ZC4H2: variants seen among roughly 807,000 people sequenced by gnomAD.
The protein encoded by ZC4H2 is zinc finger C4H2 domain-containing protein.
For missense variants in ZC4H2, 137 were observed against 173.9 expected (o/e 0.79, Z 1.19); for synonymous variants, 84 against 66.3 (o/e 1.27, Z -1.30).
chrX:65,028,807 C>A, intron 1 of ZC4H2, among the ~76,000 whole-genome samples: 1 of 111,699 alleles, frequency 9.0e-6, no homozygotes, highest in Non-Finnish European at 1.9e-5. Context: ...CAGGCATGAG[C>A]CACTGTGCCG....
chrX:65,009,717 C>G (rs959345243), intron 1 of ZC4H2, among the ~76,000 whole-genome samples: 3 of 111,954 alleles, frequency 2.7e-5, no homozygotes, highest in Non-Finnish European at 5.6e-5. Context: ...ACTGCATGTG[C>G]ATCCATACAC....
chrX:64,957,611 G>A (rs1240290267), intron 1 of ZC4H2, among the ~76,000 whole-genome samples: 1 of 110,991 alleles, frequency 9.0e-6, no homozygotes, highest in African/African-American at 3.3e-5. Flanking sequence ...TGTAACCCCA[G>A]CATTTTGGGA....
chrX:64,988,131 T>A (rs187994993), intron 1 of ZC4H2, among the ~76,000 whole-genome samples: 1 of 110,343 alleles, frequency 9.1e-6, no homozygotes, highest in Admixed American at 9.7e-5. Context: ...ATCCACTCTA[T>A]CATTGTTGGA....
intron 1 of ZC4H2, among the ~76,000 whole-genome samples, chrX:64,948,836 T>C (rs1930660767): frequency 8.9e-6 from 1 of 112,052 alleles, no homozygotes; most frequent in Non-Finnish European, 1.9e-5. Context: ...TTTGCCTAGA[T>C]TAAAGGGCTA....
intron 1 of ZC4H2, among the ~76,000 whole-genome samples, chrX:65,011,949 C>T (rs1011439444): frequency 5.5e-5 from 6 of 109,564 alleles, no homozygotes; most frequent in East Asian, 2.9e-4. Context: ...CTCTTGACCT[C>T]GTGATCCACC....
At chrX:65,001,613 C>T (rs759653686) in intron 1 of ZC4H2, among the ~76,000 whole-genome samples, 83 of 111,661 alleles carry the variant, frequency 7.4e-4, no homozygotes, top group South Asian at 4.1e-3. Context: ...TAAATGTAAA[C>T]GGGTTAAATG....
At chrX:64,997,293 A>C (rs969158468) in intron 1 of ZC4H2, among the ~76,000 whole-genome samples, 2 of 112,358 alleles carry the variant, frequency 1.8e-5, no homozygotes, top group Non-Finnish European at 3.8e-5. Context: ...ACCCAGATGA[A>C]CAAAAGGTGA....
chrX:64,950,968 C>G (rs184963567), intron 1 of ZC4H2, among the ~76,000 whole-genome samples: 2 of 110,441 alleles, frequency 1.8e-5, no homozygotes, highest in Non-Finnish European at 3.8e-5. Context: ...CTCCCCACCC[C>G]ACAACAGTCC....
Position 64,919,081 on chromosome X carries a change from C to A in ZC4H2, c.522G>T (p.Arg174=). 8.4e-7 allele frequency: 1 copy of A among 1,188,034 alleles called. No homozygotes were observed. Among genetic ancestry groups the A allele is most frequent in the Non-Finnish European group, 1.1e-6 (1 of 881,836 alleles). The change falls in exon 4 of 5, where the codon CGG becomes CGT. Residue 174 remains arginine (R), a synonymous_variant. Coordinates refer to ENST00000374839, the MANE Select transcript of ZC4H2 (RefSeq NM_018684.4). ...QLQVARKQDT[R]QTATFRQQPP... ...GCTGCTGCCTGAAGGTGGCCGTCTG[C>A]CGAGTATCCTGCTTCCTAGCCACTT...
chrX:64,977,227 G>A (rs1227579466), upstream of ZC4H2, among the ~76,000 whole-genome samples: 3 of 111,440 alleles, frequency 2.7e-5, no homozygotes, highest in Non-Finnish European at 1.9e-5. Context: ...GATGTAAATA[G>A]GTCTCAAGAG....
At chrX:65,031,404 T>C (rs1932932308) in intron 1 of ZC4H2, among the ~76,000 whole-genome samples, 1 of 111,861 alleles carries the variant, frequency 8.9e-6, no homozygotes, top group African/African-American at 3.2e-5. Context: ...CATCTTCTTC[T>C]ATGACTTTAT....
chrX:65,012,392 C>T (rs1296386669), intron 1 of ZC4H2, among the ~76,000 whole-genome samples: 1 of 111,022 alleles, frequency 9.0e-6, no homozygotes, highest in East Asian at 2.8e-4. Context: ...CAGAAATTAG[C>T]TCAAGTAATT....
intron 1 of ZC4H2, among the ~76,000 whole-genome samples, chrX:65,013,235 G>A (rs1932775341): frequency 8.9e-6 from 1 of 111,941 alleles, no homozygotes; most frequent in Admixed American, 9.5e-5. Flanking sequence ...AAACAGTGAG[G>A]AGGGTTGCCT....
In ZC4H2 at chrX:65,004,384, C is replaced by T. The variant is rs1932614764; in HGVS notation, c.-272+30245G>A. On this transcript the variant is annotated intron_variant, in intron 1 of 4. Coordinates refer to the ZC4H2 transcript ENST00000337990. ...AGCACATCAAAAAGCTTATCCACCA[C>T]AATCAAGTTAACTTCATCCCTGGGA... Among the ~76,000 whole-genome samples, 3 of 112,050 alleles carry T rather than the reference C, an allele frequency of 2.7e-5. No homozygotes were observed. In the South Asian group the frequency reaches 1.1e-3, roughly 42 times the overall value.
chrX:64,931,449 C>T (rs762735062), intron 1 of ZC4H2, among the ~76,000 whole-genome samples: 1 of 111,288 alleles, frequency 9.0e-6, no homozygotes, highest in Admixed American at 9.6e-5. Flanking sequence ...ATTGGGTTGT[C>T]CATTTGTGCT....
chrX:65,021,464 T>C (rs1932835928), intron 1 of ZC4H2, among the ~76,000 whole-genome samples: 1 of 111,181 alleles, frequency 9.0e-6, no homozygotes, highest in African/African-American at 3.3e-5. Flanking sequence ...AGATGTTCTT[T>C]GAAAACAATG....
intron 1 of ZC4H2, among the ~76,000 whole-genome samples, chrX:64,927,580 T>C (rs188317375): frequency 2.7e-5 from 3 of 112,240 alleles, no homozygotes; most frequent in Non-Finnish European, 5.6e-5. Context: ...TGAACTGTGT[T>C]GCAATAAACA....
At chrX:64,952,714 A>C (rs1930916629) in intron 1 of ZC4H2, among the ~76,000 whole-genome samples, 1 of 109,679 alleles carries the variant, frequency 9.1e-6, no homozygotes, top group Non-Finnish European at 1.9e-5. Context: ...GGATAGCAAG[A>C]ATCAATATCG....
chrX:64,999,408 A>G (rs1279272739), intron 1 of ZC4H2, among the ~76,000 whole-genome samples: 2 of 112,405 alleles, frequency 1.8e-5, no homozygotes, highest in African/African-American at 3.2e-5. Context: ...GCATTCCGGC[A>G]CAGATACTAT....
Sources: allele counts gnomAD v4.1 joint callset (sites outside exome capture counted in the v4.1 genomes callset), GRCh38; gene constraint gnomAD v4.1.1; transcripts MANE v1.5; gene names NCBI Gene and HGNC (gene_info 2026-07-23, HGNC 2026-07-21).